MMP16: variants seen among roughly 807,000 people sequenced by gnomAD.
The protein encoded by MMP16 is matrix metalloproteinase-16.
MMP16 carries 12 observed loss-of-function variants against 67.8 expected under a neutral mutation model. The observed-to-expected ratio is 0.18, with a 90% CI of 0.11 to 0.29. The LOEUF is 0.29. MMP16 is among the 10% of genes least tolerant of loss of function. The probability of loss-of-function intolerance (pLI) is 1.00; values close to 1 mark genes in which losing one functional copy is unlikely to be tolerated. For missense variants in MMP16, 475 were observed against 765.7 expected (o/e 0.62, Z 4.48); for synonymous variants, 249 against 255.9 (o/e 0.97, Z 0.26).
chr8:88,290,864 A>G (rs1203611356), intron 1 of MMP16, among the ~76,000 whole-genome samples: 1 of 152,222 alleles, frequency 6.6e-6, no homozygotes, highest in Admixed American at 6.5e-5. Context: ...TAAGCTGGAT[A>G]TATGATTTAC....
intron 8 of MMP16, among the ~76,000 whole-genome samples, chr8:88,048,136 T>C (rs2118203915): frequency 6.6e-6 from 1 of 152,314 alleles, no homozygotes; most frequent in Admixed American, 6.5e-5. Flanking sequence ...ATGACTTTGG[T>C]GTTAACTACT....
intron 1 of MMP16, among the ~76,000 whole-genome samples, chr8:88,245,935 T>C (rs1421791769): frequency 6.6e-6 from 1 of 152,192 alleles, no homozygotes; most frequent in African/African-American, 2.4e-5. Flanking sequence ...AAATGTATGA[T>C]TAATGTTAAG....
chr8:88,056,969 A>G (rs1463042166), intron 7 of MMP16, among the ~76,000 whole-genome samples: 1 of 152,024 alleles, frequency 6.6e-6, no homozygotes, highest in Non-Finnish European at 1.5e-5. Context: ...CTGTTTGACA[A>G]TTCTCTACAG....
chr8:88,116,784 C>T, intron 5 of MMP16, 66 bp from the exon 6 acceptor site: 1 of 1,380,024 alleles, frequency 7.2e-7, no homozygotes. Flanking sequence ...AAATATGCTA[C>T]AGAGAACAAT....
chr8:88,251,061 A>T (rs1810210988), intron 1 of MMP16, among the ~76,000 whole-genome samples: 1 of 151,680 alleles, frequency 6.6e-6, no homozygotes, highest in Admixed American at 6.6e-5. Context: ...GTTTACTGAG[A>T]ATGATGATTT....
At chr8:88,245,482 G>A (rs1810100156) in intron 1 of MMP16, among the ~76,000 whole-genome samples, 1 of 152,182 alleles carries the variant, frequency 6.6e-6, no homozygotes, top group African/African-American at 2.4e-5. Context: ...AGGGTGAAGA[G>A]AAATGCATTA....
chr8:88,289,719 CA>C (rs1324370018), intron 1 of MMP16, among the ~76,000 whole-genome samples: 9 of 151,590 alleles, frequency 5.9e-5, no homozygotes, highest in African/African-American at 1.7e-4. Flanking sequence ...CACACACACA[CA>C]CACACACACA....
intron 6 of MMP16, among the ~76,000 whole-genome samples, chr8:88,112,398 C>T (rs1809351813): frequency 6.6e-6 from 1 of 151,644 alleles, no homozygotes; most frequent in East Asian, 1.9e-4. Flanking sequence ...ATGTTCTTAT[C>T]TTGTAGTCCA....
intron 1 of MMP16, among the ~76,000 whole-genome samples, chr8:88,204,502 A>T (rs1429684330): frequency 6.6e-6 from 1 of 152,166 alleles, no homozygotes; most frequent in Non-Finnish European, 1.5e-5. Flanking sequence ...CTCTCAAAAA[A>T]ATGATTAATA....
At chr8:88,145,406 T>C (rs982824058) in intron 4 of MMP16, among the ~76,000 whole-genome samples, 8 of 151,938 alleles carry the variant, frequency 5.3e-5, no homozygotes, top group Admixed American at 1.3e-4. Flanking sequence ...AGGGCCATCA[T>C]TGTCCAAAAT....
intron 6 of MMP16, among the ~76,000 whole-genome samples, chr8:88,101,760 G>GT (rs1233788782): frequency 6.6e-6 from 1 of 151,860 alleles, no homozygotes; most frequent in East Asian, 2.0e-4. Flanking sequence ...TTTGAGTCAA[G>GT]TTTCAGTAAA....
At chr8:88,268,736 A>G (rs1424698616) in intron 1 of MMP16, among the ~76,000 whole-genome samples, 1 of 152,228 alleles carries the variant, frequency 6.6e-6, no homozygotes, top group Admixed American at 6.5e-5. Context: ...CATATGACAG[A>G]CATCTATACG....
rs1808097254 is a variant in MMP16 at position 88,039,291 on chromosome 8, T to C, written c.*2170A>G. On this transcript the variant is annotated 3_prime_UTR_variant, in exon 10 of 10. Transcript: ENST00000286614. This position sits in a 1 kb window ranked among gnomAD's most constrained non-coding sequence, Gnocchi z 4.5. The stretch of plus-strand genomic sequence containing the variant: ...TTGTAATTTGTACTAAAATGATGAA[T>C]TTAGACTTGAAATTATATTAAAATG... 6.6e-6 allele frequency: 1 copy of C among 152,514 alleles called. No individual in the cohort carries two copies. The allele number at this position is 152,514 out of a possible 1,614,324, so 9.4% of individuals were successfully genotyped here.
At chr8:88,066,588 T>C (rs1007219201) in intron 7 of MMP16, among the ~76,000 whole-genome samples, 2 of 152,066 alleles carry the variant, frequency 1.3e-5, no homozygotes, top group East Asian at 1.9e-4. Context: ...ATACACCAAA[T>C]GGCTGACTTT....
intron 1 of MMP16, among the ~76,000 whole-genome samples, chr8:88,237,232 C>T (rs1245796491): frequency 6.6e-6 from 1 of 152,110 alleles, no homozygotes; most frequent in East Asian, 1.9e-4. Context: ...TCTTTTTGTT[C>T]AACTACCTTA....
chr8:88,142,653 A>G (rs763635322), intron 4 of MMP16, among the ~76,000 whole-genome samples: 64 of 152,270 alleles, frequency 4.2e-4, no homozygotes, highest in Non-Finnish European at 8.8e-4. Flanking sequence ...ATGATAAATC[A>G]AAATGTGCAG....
intron 1 of MMP16, among the ~76,000 whole-genome samples, chr8:88,205,365 A>G (rs1226991214): frequency 2.0e-5 from 3 of 151,988 alleles, no homozygotes; most frequent in African/African-American, 7.2e-5. Flanking sequence ...AAAAAATGAG[A>G]AGGCAGACTG....
chr8:88,133,530 C>G (rs1808068686), intron 4 of MMP16, among the ~76,000 whole-genome samples: 1 of 151,798 alleles, frequency 6.6e-6, no homozygotes, highest in Admixed American at 6.6e-5. Context: ...AATATGTTCT[C>G]TATTCATTTT....
intron 1 of MMP16, among the ~76,000 whole-genome samples, chr8:88,321,838 C>T (rs1303183455): frequency 6.6e-6 from 1 of 152,086 alleles, no homozygotes; most frequent in Non-Finnish European, 1.5e-5. Context: ...AGTTACATGT[C>T]CAAGTTCAAA....
Sources: gnomAD v4.1 joint callset for allele counts (sites outside exome capture counted in the v4.1 genomes callset) on GRCh38, gnomAD v4.1.1 for gene constraint, Gnocchi (gnomAD v3.1) non-coding constraint, MANE v1.5 for transcripts, NCBI Gene and HGNC (gene_info 2026-07-23, HGNC 2026-07-21) for gene names.